BAZ1A: variants seen among roughly 807,000 people sequenced by gnomAD.
BAZ1A encodes the protein bromodomain adjacent to zinc finger domain 1A.
Under a neutral mutation model 185.2 loss-of-function variants are expected in BAZ1A, and 50 were observed. The observed-to-expected ratio is 0.27, with a 90% confidence interval of 0.22 to 0.34. The LOEUF (loss-of-function observed/expected upper bound fraction) is 0.34. Among genes scored for constraint, BAZ1A ranks in the 10% least tolerant of loss-of-function variants. The probability of loss-of-function intolerance (pLI) is 1.00; values close to 1 mark genes in which losing one functional copy is unlikely to be tolerated. For missense variants in BAZ1A, 1,356 were observed against 1,839.9 expected, an observed-to-expected ratio of 0.74 and a Z score of 4.81; for synonymous variants, 571 against 615.6, an observed-to-expected ratio of 0.93 and a Z score of 1.07.
intron 3 of BAZ1A, among the ~76,000 whole-genome samples, chr14:34,860,234 CTTGG>C (rs2042745644): frequency 6.6e-6 from 1 of 151,900 alleles, no homozygotes; most frequent in Non-Finnish European, 1.5e-5. Context: ...ATAGGCTGGG[CTTGG>C]TAGCTCAGCC....
intron 3 of BAZ1A, among the ~76,000 whole-genome samples, chr14:34,826,807 G>A (rs1411069829): frequency 6.6e-6 from 1 of 152,204 alleles, no homozygotes. Context: ...TTATTGCTAA[G>A]TGTGTCTTAT....
intron 3 of BAZ1A, among the ~76,000 whole-genome samples, chr14:34,842,611 CAAGTA>C (rs1027511115): frequency 5.3e-5 from 8 of 151,986 alleles, no homozygotes; most frequent in African/African-American, 1.5e-4. Context: ...ATAAAATAGT[CAAGTA>C]AAGTGAAAAG....
At chr14:34,797,929 T>C (rs1457657213) in intron 9 of BAZ1A, among the ~76,000 whole-genome samples, 1 of 152,230 alleles carries the variant, frequency 6.6e-6, no homozygotes, top group Admixed American at 6.5e-5. Flanking sequence ...AAGGGGAGCC[T>C]TGACAGACTG....
At chr14:34,791,983 C>G (rs1880875467) in intron 12 of BAZ1A, among the ~76,000 whole-genome samples, 1 of 152,196 alleles carries the variant, frequency 6.6e-6, no homozygotes, top group Admixed American at 6.5e-5. Flanking sequence ...GGCAAATTAT[C>G]TAGTTCAAAC....
Position 34,783,061 on chromosome 14 carries a change from T to C in BAZ1A, c.2111+58A>G, listed in dbSNP as rs936438566. The C allele has an allele frequency of 1.4e-5, 18 of 1,283,062 alleles. No individual in the cohort carries two copies. The African/African-American group carries it at 2.0e-4, about 14-fold the overall frequency. The allele number at this position is 1,283,062 out of a possible 1,614,324, so 79.5% of individuals were successfully genotyped here. A position where few individuals can be genotyped will look rare whatever the true frequency, so the allele number is the denominator to read the frequency against. Reference sequence around the variant, plus strand: ...GAAAGCATTTTTAGAGTTTAAGGTGTCTGGTTTTTATTCTTTATGTATGGT... The same window carrying C: ...GAAAGCATTTTTAGAGTTTAAGGTGCCTGGTTTTTATTCTTTATGTATGGT... On this transcript the variant is annotated intron_variant, in intron 16 of 26. Coordinates refer to ENST00000360310, the MANE Select transcript of BAZ1A (RefSeq NM_013448.3).
At chr14:34,807,075 T>C (rs1383043392) in intron 6 of BAZ1A, among the ~76,000 whole-genome samples, 3 of 149,182 alleles carry the variant, frequency 2.0e-5, no homozygotes, top group Non-Finnish European at 4.4e-5. Flanking sequence ...TTATTATACA[T>C]TGTTCTCTTA....
intron 5 of BAZ1A, 61 bp downstream of exon 5, chr14:34,810,874 T>C: frequency 8.2e-7 from 1 of 1,225,746 alleles, no homozygotes; most frequent in South Asian, 1.3e-5. Flanking sequence ...TCAGACCTTC[T>C]TAATCTAACA....
Position 34,785,904 on chromosome 14 carries a change from A to G in BAZ1A, c.1704T>C (p.Asn568=). The change falls in exon 14 of 27, where the codon AAT becomes AAC. Residue 568 remains asparagine, a synonymous_variant. Transcript: ENST00000360310. Reference sequence around the variant, plus strand: ...CTCGTTTTTGATATCTATACTTTGCATTTGCTGATGTTACATCAGCACCTG... The same window carrying G: ...CTCGTTTTTGATATCTATACTTTGCGTTTGCTGATGTTACATCAGCACCTG... ...LASGADVTSA[N]AKYRYQKRGG... The G allele has an allele frequency of 6.2e-7, 1 of 1,614,128 alleles. No individual in the cohort carries two copies. Among genetic ancestry groups the G allele is most frequent in the Non-Finnish European group, 8.5e-7 (1 of 1,180,036 alleles).
intron 4 of BAZ1A, among the ~76,000 whole-genome samples, chr14:34,818,149 C>T (rs1389336268): frequency 6.6e-6 from 1 of 152,168 alleles, no homozygotes; most frequent in Non-Finnish European, 1.5e-5. Flanking sequence ...ATGGATTATT[C>T]AGCCATAAAA....
intron 4 of BAZ1A, among the ~76,000 whole-genome samples, chr14:34,825,020 CAT>C (rs763759105): frequency 5.9e-5 from 9 of 152,170 alleles, no homozygotes; most frequent in Non-Finnish European, 1.2e-4. Context: ...TTCCTAGCTA[CAT>C]GTTTGTGTGA....
intron 20 of BAZ1A, 26 bp downstream of exon 20, chr14:34,773,546 G>A (rs1879376552): frequency 2.0e-6 from 3 of 1,522,176 alleles, no homozygotes; most frequent in South Asian, 1.2e-5. Context: ...AAAAGTAATG[G>A]TTACTTTAGA....
chr14:34,824,292 T>C (rs564658996), intron 4 of BAZ1A, among the ~76,000 whole-genome samples: 70 of 134,432 alleles, frequency 5.2e-4, no homozygotes, highest in African/African-American at 1.9e-3. Context: ...GAGGACTGCC[T>C]AAGCCCAGAA....
At chr14:34,790,902 A>G (rs1880799930) in intron 12 of BAZ1A, among the ~76,000 whole-genome samples, 1 of 152,008 alleles carries the variant, frequency 6.6e-6, no homozygotes, top group African/African-American at 2.4e-5. Flanking sequence ...AGGCGGGCAG[A>G]CCCTGAGGTC....
intron 12 of BAZ1A, among the ~76,000 whole-genome samples, chr14:34,791,148 A>AAAGAG (rs76324326): frequency 0.15 from 22,586 of 151,478 alleles, 1,785 homozygotes; most frequent in South Asian, 0.21. Flanking sequence ...AGAGAAGAGA[A>AAAGAG]AAGAGAAGAG....
chr14:34,788,207 A>G (rs1052773755), intron 12 of BAZ1A, among the ~76,000 whole-genome samples: 9 of 152,094 alleles, frequency 5.9e-5, no homozygotes, highest in East Asian at 3.8e-4. Flanking sequence ...TAGTAGAGAC[A>G]GGGTTTCACC....
intron 25 of BAZ1A, 197 bp downstream of exon 25, chr14:34,758,507 G>A: frequency 4.3e-6 from 2 of 470,554 alleles, no homozygotes; most frequent in South Asian, 2.8e-5. Context: ...TTGAACCTGG[G>A]AGGCAGAGCT....
intron 24 of BAZ1A, among the ~76,000 whole-genome samples, chr14:34,761,118 T>TAAA (rs201752150): frequency 0.033 from 4,961 of 151,976 alleles, 115 homozygotes; most frequent in African/African-American, 0.055. Context: ...CCGTCTCTAC[T>TAAA]AATACAAAAA....
intron 24 of BAZ1A, among the ~76,000 whole-genome samples, chr14:34,759,335 G>A (rs74563069): frequency 0.13 from 20,417 of 151,304 alleles, 2,289 homozygotes; most frequent in East Asian, 0.49. Context: ...CACCCGCCAC[G>A]GCGCCCGGCT....
intron 3 of BAZ1A, among the ~76,000 whole-genome samples, chr14:34,841,632 T>C (rs1042387873): frequency 6.6e-6 from 1 of 152,182 alleles, no homozygotes; most frequent in Non-Finnish European, 1.5e-5. Flanking sequence ...TCAACACACC[T>C]GCCTCGGCCT....
Sources: allele counts gnomAD v4.1 joint callset (sites outside exome capture counted in the v4.1 genomes callset), GRCh38; gene constraint gnomAD v4.1.1; transcripts MANE v1.5; gene names NCBI Gene and HGNC (gene_info 2026-07-23, HGNC 2026-07-21).